The following FGGY variants were observed in gnomAD, a reference collection of about 807,000 sequenced individuals.
The protein encoded by FGGY is FGGY carbohydrate kinase domain-containing protein.
Under a neutral mutation model 71.3 loss-of-function variants are expected in FGGY, and 72 were observed. The ratio of observed to expected loss-of-function variants is 1.01; its 90% CI spans 0.84 to 1.23. The LOEUF (loss-of-function observed/expected upper bound fraction) is 1.23. Ranked by LOEUF, FGGY falls within the 50% of genes most tolerant of loss-of-function variation. The pLI is 0.00. For synonymous variants in FGGY, 251 were observed against 250.3 expected, an observed-to-expected ratio of 1.00 and a Z score of -0.02; for missense variants, 668 against 682.3, an observed-to-expected ratio of 0.98 and a Z score of 0.23.
chr1:59,544,293 A>G (rs954380828), intron 7 of FGGY, among the ~76,000 whole-genome samples: 5 of 152,220 alleles, frequency 3.3e-5, no homozygotes, highest in African/African-American at 1.2e-4. Context: ...ACAGACATGG[A>G]AAAATATGAT....
chr1:59,327,735 A>G (rs1340768698), intron 2 of FGGY, among the ~76,000 whole-genome samples: 2 of 152,216 alleles, frequency 1.3e-5, no homozygotes, highest in African/African-American at 2.4e-5. Context: ...CTTAAATAAT[A>G]ATACTTGAAA....
chr1:59,653,833 A>C (rs1558690541), intron 11 of FGGY, among the ~76,000 whole-genome samples: 2 of 152,194 alleles, frequency 1.3e-5, no homozygotes, highest in African/African-American at 4.8e-5. Context: ...CATGCTTTGA[A>C]CCACTCCGAT....
intron 4 of FGGY, among the ~76,000 whole-genome samples, chr1:59,370,424 G>A (rs1316982834): frequency 1.3e-5 from 2 of 152,172 alleles, no homozygotes; most frequent in African/African-American, 2.4e-5. Flanking sequence ...CCAAATCTAC[G>A]TCTGATTGGT....
At chr1:59,542,445 C>CTTTTTTTTTTTTT (rs754831417) in intron 7 of FGGY, among the ~76,000 whole-genome samples, 3 of 34,258 alleles carry the variant, frequency 8.8e-5, no homozygotes, top group African/African-American at 3.1e-4. Flanking sequence ...ATGTTCTTTA[C>CTTTTTTTTTTTTT]TTTTTTTTTT....
At chr1:59,546,451 G>T (rs1475127054) in intron 7 of FGGY, among the ~76,000 whole-genome samples, 1 of 151,940 alleles carries the variant, frequency 6.6e-6, no homozygotes, top group Non-Finnish European at 1.5e-5. Context: ...GGCAGTGGCA[G>T]TGTCAAGGTG....
intron 11 of FGGY, among the ~76,000 whole-genome samples, chr1:59,659,851 A>G (rs1467503241): frequency 6.6e-6 from 1 of 152,244 alleles, no homozygotes; most frequent in Admixed American, 6.5e-5. Context: ...ATCTTGTACT[A>G]GAATGCCACT....
intron 8 of FGGY, among the ~76,000 whole-genome samples, chr1:59,560,607 A>G (rs1028304988): frequency 1.6e-4 from 24 of 152,190 alleles, no homozygotes; most frequent in Non-Finnish European, 2.9e-4. Flanking sequence ...TAAAATATTC[A>G]TTAACTATTC....
chr1:59,387,747 A>T (rs2060243461), intron 5 of FGGY, among the ~76,000 whole-genome samples: 1 of 152,150 alleles, frequency 6.6e-6, no homozygotes, highest in African/African-American at 2.4e-5. Flanking sequence ...TACCTCTGAC[A>T]CACAGACCTG....
chr1:59,452,163 T>C (rs949436140), intron 5 of FGGY, among the ~76,000 whole-genome samples: 7 of 152,006 alleles, frequency 4.6e-5, no homozygotes, highest in African/African-American at 1.7e-4. Context: ...GTTAGGCTTC[T>C]GGAATCTGTC....
At position 59,667,225 on chromosome 1, in the gene FGGY, T is replaced by C. The variant is rs1035621560; in HGVS notation, c.1297-58T>C. The C allele has an allele frequency of 8.1e-6, 13 of 1,608,208 alleles. No individual in the cohort carries two copies. The Admixed American group carries it at 1.2e-4, about 14-fold the overall frequency. On this transcript the variant is annotated intron_variant, in intron 12 of 15. Transcript: ENST00000303721. ...GCACTGAGTAGACATTTAAGAAGTG[T>C]TCCCTAGTGTTTACTTTTGTGACTA...
Position 59,537,504 on chromosome 1 carries a change from C to A in FGGY, c.800-16620C>A, listed in dbSNP as rs1365767612. ...CAGAATTGGAAAAAACTACTTTAAA[C>A]TTCATATGGAACCAAAAAGAGCCCG... On this transcript the variant is annotated intron_variant, in intron 7 of 15. Coordinates refer to ENST00000303721, the MANE Select transcript of FGGY (RefSeq NM_018291.5). Among the ~76,000 whole-genome samples the A allele has an allele frequency of 3.3e-5, 5 of 152,020 alleles. No individual in the cohort carries two copies. The South Asian group carries it at 1.0e-3, about 32-fold the overall frequency.
intron 14 of FGGY, among the ~76,000 whole-genome samples, chr1:59,702,123 G>A (rs1042858160): frequency 2.0e-5 from 3 of 152,072 alleles, no homozygotes; most frequent in African/African-American, 4.8e-5. Context: ...ATCAGCTCTC[G>A]TGAGAACTCC....
At chr1:59,299,194 G>A (rs2042394055) in intron 1 of FGGY, among the ~76,000 whole-genome samples, 1 of 152,122 alleles carries the variant, frequency 6.6e-6, no homozygotes, top group South Asian at 2.1e-4. Context: ...AAAGAGCGAG[G>A]GATTATATGA....
chr1:59,383,884 T>C (rs186099150), intron 5 of FGGY, among the ~76,000 whole-genome samples: 1 of 152,280 alleles, frequency 6.6e-6, no homozygotes, highest in Non-Finnish European at 1.5e-5. Context: ...CTAAAATGTA[T>C]AGAAGCAAGC....
chr1:59,649,352 T>G (rs1465838789), intron 11 of FGGY, among the ~76,000 whole-genome samples: 3 of 127,706 alleles, frequency 2.3e-5, no homozygotes, highest in Admixed American at 8.0e-5. Context: ...GTATGGCCAT[T>G]TTCACGATAT....
chr1:59,421,219 A>G (rs767815986), intron 5 of FGGY, among the ~76,000 whole-genome samples: 55 of 152,324 alleles, frequency 3.6e-4, no homozygotes, highest in South Asian at 4.1e-4. Context: ...TGTCACCCTT[A>G]TTTGAACCCT....
intron 3 of FGGY, among the ~76,000 whole-genome samples, chr1:59,341,113 C>T (rs1018279952): frequency 3.3e-5 from 5 of 152,152 alleles, no homozygotes; most frequent in African/African-American, 9.7e-5. Flanking sequence ...TAGAGTTAGG[C>T]GGGGACTCTG....
intron 4 of FGGY, among the ~76,000 whole-genome samples, chr1:59,364,357 T>G (rs369141775): frequency 6.6e-6 from 1 of 152,238 alleles, no homozygotes; most frequent in African/African-American, 2.4e-5. Context: ...CTGGCTTGCC[T>G]AGAATATGTC....
chr1:59,459,513 T>C (rs1189929789), intron 6 of FGGY, among the ~76,000 whole-genome samples: 2 of 152,166 alleles, frequency 1.3e-5, no homozygotes, highest in African/African-American at 2.4e-5. Flanking sequence ...TCAGAATTGA[T>C]GGAGAAAAAT....
Sources: gnomAD v4.1 joint callset for allele counts (sites outside exome capture counted in the v4.1 genomes callset) on GRCh38, gnomAD v4.1.1 for gene constraint, MANE v1.5 for transcripts, NCBI Gene and HGNC (gene_info 2026-07-23, HGNC 2026-07-21) for gene names.